The following OLFM1 variants were observed in gnomAD, a reference collection of about 807,000 sequenced individuals.
OLFM1 encodes noelin.
OLFM1 carries 9 observed loss-of-function variants against 49.7 expected under a neutral mutation model. The observed-to-expected ratio is 0.18, with a 90% CI of 0.11 to 0.32. The LOEUF is 0.32. Among genes scored for constraint, OLFM1 ranks in the 10% least tolerant of loss-of-function variants. The probability of loss-of-function intolerance (pLI) is 1.00; values close to 1 mark genes in which losing one functional copy is unlikely to be tolerated. For synonymous variants in OLFM1, 240 were observed against 271.8 expected, an observed-to-expected ratio of 0.88 and a Z score of 1.15; for missense variants, 369 against 661.8, an observed-to-expected ratio of 0.56 and a Z score of 4.85.
rs566461662 is a variant in OLFM1 at position 135,117,263 on chromosome 9, G to T, written c.784-2241G>T. ...CCAAACTTGGGCCATTACTGGGTTT[G>T]CTATCTTGGTTGCTTTCGACAACCA... On this transcript the variant is annotated intron_variant, in intron 5 of 5. Transcript: ENST00000371793. The surrounding 1 kb of genome is among the most constrained non-coding windows in gnomAD (Gnocchi z 5.5). 1.4e-4 allele frequency among the ~76,000 whole-genome samples: 22 copies of T among 152,302 alleles called. No homozygotes were observed. In the Middle Eastern group the frequency reaches 0.01, roughly 71 times the overall value.
At chr9:135,095,762 G>A (rs1288751131) in intron 2 of OLFM1, 102 bp from the exon 3 acceptor site, 9 of 1,269,412 alleles carry the variant, frequency 7.1e-6, no homozygotes, top group Non-Finnish European at 1.0e-5. Context: ...GGTTCCCAGT[G>A]TGCTGGCTGT....
chr9:135,087,244 G>T, upstream of OLFM1: 2 of 1,425,474 alleles, frequency 1.4e-6, no homozygotes, highest in Non-Finnish European at 9.2e-7. Context: ...GACGGCCCAG[G>T]CTGGCTGGGA....
chr9:135,089,121 G>C (rs1048960200), intron 1 of OLFM1, among the ~76,000 whole-genome samples: 19 of 152,292 alleles, frequency 1.2e-4, no homozygotes, highest in Admixed American at 1.1e-3. Context: ...CCGTGGTGTG[G>C]CTCCCTCCTA....
In OLFM1 at chr9:135,080,788, C is replaced by T. The variant is rs1189180166; in HGVS notation, c.96+4986C>T. Among the ~76,000 whole-genome samples the T allele has an allele frequency of 6.6e-6, 1 of 152,120 alleles. No individual in the cohort carries two copies. The highest frequency in any genetic ancestry group is 1.5e-5 in the Non-Finnish European group (1 of 68,034). On this transcript the variant is annotated intron_variant, in intron 1 of 5. Coordinates refer to the OLFM1 transcript ENST00000252854. This position sits in a 1 kb window ranked among gnomAD's most constrained non-coding sequence, Gnocchi z 4.5. The stretch of plus-strand genomic sequence containing the variant: ...GCAACCACGAGCTAGGCTGACAGGG[C>T]GAGCAGCCAATTTCCAGCTCTGAAA...
chr9:135,090,374 ATGTGTGTGTGTT>A, intron 2 of OLFM1, 30 bp downstream of exon 2: 2 of 1,355,426 alleles, frequency 1.5e-6, no homozygotes, highest in Non-Finnish European at 1.0e-6. Context: ...GTGAGTTTGT[ATGTGTGTGTGTT>A]TGTGTGTGTG....
At chr9:135,111,433 A>G (rs533240832) in intron 5 of OLFM1, among the ~76,000 whole-genome samples, 8 of 151,844 alleles carry the variant, frequency 5.3e-5, no homozygotes, top group Admixed American at 5.2e-4. Flanking sequence ...ATTGAACTGG[A>G]GAAGGATGAT....
intron 2 of OLFM1, chr9:135,094,998 C>A (rs1241375175): frequency 6.6e-6 from 1 of 152,180 alleles, no homozygotes; most frequent in Non-Finnish European, 1.5e-5. Context: ...TCCCCGCAGC[C>A]CCGAATGCAT....
upstream of OLFM1, chr9:135,087,636 C>T: frequency 1.7e-6 from 1 of 576,460 alleles, no homozygotes; most frequent in Non-Finnish European, 2.5e-6. Context: ...GCCTCCCGGC[C>T]GCGGCCCCCG....
intron 4 of OLFM1, among the ~76,000 whole-genome samples, chr9:135,100,870 G>A (rs567979594): frequency 6.6e-6 from 1 of 152,298 alleles, no homozygotes; most frequent in South Asian, 2.1e-4. Flanking sequence ...GATGGATAGA[G>A]AGGTGATGAC....
chr9:135,098,071 G>T lies in OLFM1; in HGVS notation c.457-215G>T. 1 of 1,428,636 alleles carries T rather than the reference G, an allele frequency of 7.0e-7. No homozygotes were observed. Among genetic ancestry groups the T allele is most frequent in the East Asian group, 2.5e-5 (1 of 39,906 alleles). 88.5% of individuals were successfully genotyped at this position (1,428,636 alleles called of 1,614,324 possible). A position where few individuals can be genotyped will look rare whatever the true frequency, so the allele number is the denominator to read the frequency against. On this transcript the variant is annotated intron_variant, in intron 3 of 5. Transcript: ENST00000371793. This position sits in a 1 kb window ranked among gnomAD's most constrained non-coding sequence, Gnocchi z 5.6. ...TCAAAGCATGTAACCTTAAGATGTT[G>T]CATTCTAAACTGACAATAAAGACCT...
rs548664469 is a variant in OLFM1, at chr9:135,103,570, C to A, written c.677-3179C>A. 5.3e-5 allele frequency among the ~76,000 whole-genome samples: 8 copies of A among 152,300 alleles called. No individual in the cohort carries two copies. The South Asian group carries it at 1.7e-3, about 32-fold the overall frequency. On this transcript the variant is annotated intron_variant, in intron 4 of 5. Coordinates refer to ENST00000371793, the MANE Select transcript of OLFM1 (RefSeq NM_001282611.2). The stretch of plus-strand genomic sequence containing the variant: ...GGAGAGGGTGATGCTCAGCTCTGAG[C>A]CAGTGGGGCCCATGCAGGAGGGAAG...
At chr9:135,079,606 A>G (rs1830508411) in intron 1 of OLFM1, among the ~76,000 whole-genome samples, 1 of 152,108 alleles carries the variant, frequency 6.6e-6, no homozygotes, top group African/African-American at 2.4e-5. Flanking sequence ...TTCTGTCTCA[A>G]AAAAAAGAAG....
At chr9:135,099,917 G>C (rs1234204804) in intron 4 of OLFM1, among the ~76,000 whole-genome samples, 1 of 152,188 alleles carries the variant, frequency 6.6e-6, no homozygotes. Flanking sequence ...TGTTAATGAT[G>C]ATAGGGCTGT....
At chr9:135,087,502 T>G, upstream of OLFM1, 1 of 1,430,518 alleles carries the variant, frequency 7.0e-7, no homozygotes, top group Middle Eastern at 1.8e-4. Flanking sequence ...TGATCCCAAC[T>G]CCTGGGCGGA....
At chr9:135,105,307 C>T (rs898902838) in intron 4 of OLFM1, among the ~76,000 whole-genome samples, 6 of 152,232 alleles carry the variant, frequency 3.9e-5, no homozygotes, top group African/African-American at 7.2e-5. Flanking sequence ...CAGCCCGACT[C>T]GATGGGAATT....
chr9:135,090,177 C>T lies in OLFM1; in HGVS notation c.151-18C>T, dbSNP rs552274987. The T allele has an allele frequency of 2.2e-5, 35 of 1,595,760 alleles. No homozygotes were observed. Among genetic ancestry groups the T allele is most frequent in the South Asian group, 1.3e-4 (12 of 89,912 alleles). Reference sequence around the variant, plus strand: ...CTTTCTCTCCTTCCCTCTCCCTTCCCGCCCCGCCCCTCTCCAGGTGCTGCC... The same window carrying T: ...CTTTCTCTCCTTCCCTCTCCCTTCCTGCCCCGCCCCTCTCCAGGTGCTGCC... On this transcript the variant is annotated intron_variant, in intron 1 of 5. Coordinates refer to ENST00000371793, the MANE Select transcript of OLFM1 (RefSeq NM_001282611.2).
Position 135,080,416 on chromosome 9 carries a change from C to G in OLFM1, c.96+4614C>G, listed in dbSNP as rs1830517476. Among the ~76,000 whole-genome samples the G allele has an allele frequency of 6.6e-6, 1 of 152,126 alleles. No homozygotes were observed. Among genetic ancestry groups the G allele is most frequent in the Non-Finnish European group, 1.5e-5 (1 of 68,032 alleles). On this transcript the variant is annotated intron_variant, in intron 1 of 5. Transcript: ENST00000252854. This position sits in a 1 kb window ranked among gnomAD's most constrained non-coding sequence, Gnocchi z 4.5. Reference sequence around the variant, plus strand: ...TCAGAATACGTGGAATTCATTCAGTCTTTGCACCAAAGTTGGCTGTGGCCT... The same window carrying G: ...TCAGAATACGTGGAATTCATTCAGTGTTTGCACCAAAGTTGGCTGTGGCCT...
In OLFM1 at chr9:135,117,198, G is replaced by C. The variant is rs1831107786; in HGVS notation, c.784-2306G>C. Among the ~76,000 whole-genome samples, 1 of 152,162 alleles carries C rather than the reference G, an allele frequency of 6.6e-6. No homozygotes were observed. The highest frequency in any genetic ancestry group is 1.5e-5 in the Non-Finnish European group (1 of 68,042). The stretch of plus-strand genomic sequence containing the variant: ...TGCGCAAAGTCCAGACAGTTCTCAA[G>C]TCAACTGGCATTTCATCGGAAATCT... On this transcript the variant is annotated intron_variant, in intron 5 of 5. Transcript: ENST00000371793. This position sits in a 1 kb window ranked among gnomAD's most constrained non-coding sequence, Gnocchi z 5.5.
At chr9:135,077,634 G>A (rs1033420199) in intron 1 of OLFM1, among the ~76,000 whole-genome samples, 1 of 152,178 alleles carries the variant, frequency 6.6e-6, no homozygotes, top group Non-Finnish European at 1.5e-5. Flanking sequence ...CCGCGGGTCA[G>A]GAAGGGAAAT....
Sources: allele counts gnomAD v4.1 joint callset (sites outside exome capture counted in the v4.1 genomes callset), GRCh38; gene constraint gnomAD v4.1.1; non-coding constraint Gnocchi (gnomAD v3.1); transcripts MANE v1.5; gene names NCBI Gene and HGNC (gene_info 2026-07-23, HGNC 2026-07-21).